Variants in PCSK6 observed in about 807,000 individuals in gnomAD.
PCSK6 encodes the protein proprotein convertase subtilisin/kexin type 6, also known as paired basic amino acid cleaving enzyme 4.
PCSK6 carries 85 observed loss-of-function variants against 123.3 expected under a neutral mutation model. The ratio of observed to expected loss-of-function variants is 0.69; its 90% confidence interval spans 0.58 to 0.83. The LOEUF (loss-of-function observed/expected upper bound fraction) is 0.83, where lower values mean the gene tolerates loss of function less well. Ranked by LOEUF, PCSK6 falls within the 40% of genes least tolerant of loss-of-function variation. The pLI, the probability that PCSK6 is intolerant of heterozygous loss-of-function variation, is 0.00. For synonymous variants in PCSK6, 508 were observed against 516.0 expected (o/e 0.98, Z 0.21); for missense variants, 1,191 against 1,282.3 (o/e 0.93, Z 1.09).
At chr15:101,311,423 G>A (rs1033117723) in intron 20 of PCSK6, among the ~76,000 whole-genome samples, 33 of 151,618 alleles carry the variant, frequency 2.2e-4, no homozygotes, top group African/African-American at 6.8e-4. Flanking sequence ...CACCGTGCCC[G>A]GCCTCCTTCC....
intron 1 of PCSK6, among the ~76,000 whole-genome samples, chr15:101,485,244 A>G (rs28481458): frequency 0.081 from 12,256 of 152,168 alleles, 1,288 homozygotes; most frequent in African/African-American, 0.24. Flanking sequence ...ATTTCTCTTC[A>G]TTGACTTCTC....
intron 1 of PCSK6, among the ~76,000 whole-genome samples, chr15:101,487,963 G>A (rs1349422737): frequency 2.6e-5 from 4 of 151,944 alleles, no homozygotes; most frequent in Non-Finnish European, 4.4e-5. Context: ...ATATATATAT[G>A]CATATATTTA....
In PCSK6 at chr15:101,393,367, CCT is replaced by C. The variant is rs779431387; in HGVS notation, c.1052_1053del (p.Glu351GlyfsTer49). ...TAGCCATCGCACGAGCAGTAGTCCC[CCT>C]CTCTCCCGCCATTCCCAGATGCCCA... ...FVWASGNGGR[E>X]GDYCSCDGYT... On this transcript the variant is annotated frameshift_variant, in exon 8 of 22. Transcript: ENST00000611716. LOFTEE classifies it high-confidence loss of function. 1.6e-5 allele frequency: 25 copies of C among 1,606,230 alleles called. No individual in the cohort carries two copies. Among genetic ancestry groups the C allele is most frequent in the Non-Finnish European group, 2.0e-5 (24 of 1,176,380 alleles).
chr15:101,418,051 G>A (rs1419324822), intron 6 of PCSK6, among the ~76,000 whole-genome samples: 1 of 152,078 alleles, frequency 6.6e-6, no homozygotes, highest in Non-Finnish European at 1.5e-5. Flanking sequence ...TATAAACATG[G>A]AGGATGTACT....
chr15:101,457,173 A>AAAATAAAT (rs1221256732), intron 1 of PCSK6, among the ~76,000 whole-genome samples: 1 of 152,040 alleles, frequency 6.6e-6, no homozygotes, highest in East Asian at 1.9e-4. Context: ...TTCCATCTCA[A>AAAATAAAT]AAATAAATAA....
intron 2 of PCSK6, among the ~76,000 whole-genome samples, chr15:101,439,184 G>C (rs1030453495): frequency 2.6e-5 from 4 of 152,238 alleles, no homozygotes; most frequent in African/African-American, 4.8e-5. Flanking sequence ...ACAAGTGTAG[G>C]GGGGAAGGAG....
chr15:101,451,509 T>C (rs1026613960), intron 1 of PCSK6, among the ~76,000 whole-genome samples: 1 of 152,156 alleles, frequency 6.6e-6, no homozygotes, highest in Non-Finnish European at 1.5e-5. Flanking sequence ...AATGTCTCAA[T>C]TCAAGGCCTC....
intron 1 of PCSK6, among the ~76,000 whole-genome samples, chr15:101,468,745 G>A (rs1185070996): frequency 6.6e-6 from 1 of 152,186 alleles, no homozygotes; most frequent in Non-Finnish European, 1.5e-5. Context: ...CTGCTGTTAG[G>A]TATCCACACA....
intron 11 of PCSK6, among the ~76,000 whole-genome samples, chr15:101,381,137 G>A (rs1011885956): frequency 2.0e-5 from 3 of 152,018 alleles, no homozygotes; most frequent in African/African-American, 4.8e-5. Flanking sequence ...CAAGGCGGGT[G>A]GATCACCTGA....
intron 6 of PCSK6, among the ~76,000 whole-genome samples, chr15:101,423,072 T>C (rs1213746677): frequency 6.6e-6 from 1 of 152,162 alleles, no homozygotes; most frequent in African/African-American, 2.4e-5. Flanking sequence ...ATTATAAACA[T>C]ACTCCTAAAA....
In PCSK6 at chr15:101,359,769, C is replaced by T. The variant is rs186726656; in HGVS notation, c.1858+6427G>A. ...GCCTAAAGCTCGCTCAGCACCCACA[C>T]GCAACAGGCTCCAAACGTGTGAATC... On this transcript the variant is annotated intron_variant, in intron 13 of 21. Coordinates refer to ENST00000611716, the MANE Select transcript of PCSK6 (RefSeq NM_002570.5). 5.9e-5 allele frequency among the ~76,000 whole-genome samples: 9 copies of T among 152,376 alleles called. No homozygotes were observed. The East Asian group carries it at 1.7e-3, about 29-fold the overall frequency.
chr15:101,305,966 A>G lies in PCSK6; in HGVS notation c.2813-611T>C, dbSNP rs978936872. ...GTGGGGGTGGTGTGGGAGGGATCTC[A>G]GGAGAACACCCAGCCTGGGCCTGTG... On this transcript the variant is annotated intron_variant, in intron 21 of 21. Transcript: ENST00000611716. This position sits in a 1 kb window ranked among gnomAD's most constrained non-coding sequence, Gnocchi z 4.8. Among the ~76,000 whole-genome samples the G allele has an allele frequency of 6.6e-6, 1 of 152,220 alleles. No homozygotes were observed. Among genetic ancestry groups the G allele is most frequent in the Admixed American group, 6.5e-5 (1 of 15,286 alleles).
intron 11 of PCSK6, among the ~76,000 whole-genome samples, chr15:101,379,052 C>T (rs570755328): frequency 2.0e-4 from 30 of 152,306 alleles, no homozygotes; most frequent in Non-Finnish European, 2.8e-4. Context: ...ACAGCAGCTC[C>T]GCAGGGGGAC....
intron 11 of PCSK6, among the ~76,000 whole-genome samples, chr15:101,379,135 G>A (rs2041838712): frequency 6.6e-6 from 1 of 152,236 alleles, no homozygotes; most frequent in African/African-American, 2.4e-5. Flanking sequence ...TGGGAGCACA[G>A]GCTGGGTGCA....
chr15:101,413,620 C>T (rs1247944066), intron 6 of PCSK6, among the ~76,000 whole-genome samples: 3 of 150,860 alleles, frequency 2.0e-5, no homozygotes, highest in East Asian at 2.0e-4. Flanking sequence ...ACATGGCCCA[C>T]GTTTGACAGC....
chr15:101,387,797 G>A (rs898485930), intron 9 of PCSK6, among the ~76,000 whole-genome samples: 3 of 28,888 alleles, frequency 1.0e-4, no homozygotes, highest in African/African-American at 1.4e-4. Flanking sequence ...GAGAGAAGGC[G>A]GCCTGGGGCC....
chr15:101,337,905 GT>G (rs2040518624), intron 13 of PCSK6, among the ~76,000 whole-genome samples: 1 of 152,196 alleles, frequency 6.6e-6, no homozygotes, highest in Admixed American at 6.5e-5. Flanking sequence ...ATGACAGAAC[GT>G]TTAGTCCAGT....
chr15:101,437,491 C>T (rs528119509), intron 2 of PCSK6, among the ~76,000 whole-genome samples: 2,241 of 152,274 alleles, frequency 0.015, 19 homozygotes, highest in Non-Finnish European at 0.024. Flanking sequence ...CACCACCTCC[C>T]GTGTCATCCA....
chr15:101,419,472 A>C (rs2056005066), intron 6 of PCSK6, among the ~76,000 whole-genome samples: 1 of 152,090 alleles, frequency 6.6e-6, no homozygotes, highest in Admixed American at 6.5e-5. Context: ...CAATATTGTA[A>C]AGATGTCATT....
Sources: gnomAD v4.1 joint callset for allele counts (sites outside exome capture counted in the v4.1 genomes callset) on GRCh38, gnomAD v4.1.1 for gene constraint, Gnocchi (gnomAD v3.1) non-coding constraint, MANE v1.5 for transcripts, NCBI Gene and HGNC (gene_info 2026-07-23, HGNC 2026-07-21) for gene names.